HNRNPC: variants seen among roughly 807,000 people sequenced by gnomAD.
HNRNPC encodes the protein heterogeneous nuclear ribonucleoproteins C1/C2.
HNRNPC carries 3 observed loss-of-function variants against 33.2 expected under a neutral mutation model. That is an observed-to-expected ratio of 0.09 (90% CI 0.04 to 0.23). The LOEUF is 0.23. Among genes scored for constraint, HNRNPC ranks in the 10% least tolerant of loss-of-function variants. The pLI is 1.00. For synonymous variants in HNRNPC, 121 were observed against 126.7 expected (o/e 0.96, Z 0.30); for missense variants, 143 against 366.7 (o/e 0.39, Z 4.98).
At chr14:21,238,988 G>T (rs142240253) in intron 2 of HNRNPC, among the ~76,000 whole-genome samples, 1 of 152,112 alleles carries the variant, frequency 6.6e-6, no homozygotes, top group African/African-American at 2.4e-5. Flanking sequence ...TCAGCCATGC[G>T]TGGTGGCCTG....
chr14:21,212,764 G>C (rs1294917959), intron 6 of HNRNPC, among the ~76,000 whole-genome samples, 196 bp downstream of exon 6: 1 of 152,006 alleles, frequency 6.6e-6, no homozygotes, highest in Non-Finnish European at 1.5e-5. Flanking sequence ...GGCTGGTCTT[G>C]AACTCCTGAC....
At chr14:21,251,585 G>A (rs890789539) in intron 2 of HNRNPC, among the ~76,000 whole-genome samples, 3 of 152,006 alleles carry the variant, frequency 2.0e-5, no homozygotes, top group Admixed American at 6.6e-5. Context: ...GGGAGGATGA[G>A]GCAGGAGAAC....
intron 5 of HNRNPC, chr14:21,213,518 A>T: frequency 6.1e-6 from 1 of 164,976 alleles, no homozygotes; most frequent in Admixed American, 5.8e-5. Context: ...ACGGTCAAAT[A>T]CTCTTTAAAA....
chr14:21,261,126 G>A (rs575742700), intron 2 of HNRNPC, among the ~76,000 whole-genome samples: 7 of 151,958 alleles, frequency 4.6e-5, no homozygotes, highest in Admixed American at 1.3e-4. Context: ...AGGTACCAAC[G>A]CCCCCAGCTT....
chr14:21,226,895 AGG>A (rs71313496), intron 5 of HNRNPC, among the ~76,000 whole-genome samples: 4,700 of 106,366 alleles, frequency 0.044, 288 homozygotes, highest in African/African-American at 0.1. Flanking sequence ...AAAAAAAAAA[AGG>A]GGGGGGGGGG....
At chr14:21,268,227 G>A (rs1055349102) in intron 1 of HNRNPC, among the ~76,000 whole-genome samples, 4 of 151,986 alleles carry the variant, frequency 2.6e-5, no homozygotes, top group African/African-American at 9.7e-5. Flanking sequence ...CAAATAATAG[G>A]CACTGTTAAT....
At chr14:21,212,051 T>C (rs1891661637) in intron 6 of HNRNPC, 128 bp from the exon 7 acceptor site, 1 of 706,098 alleles carries the variant, frequency 1.4e-6, no homozygotes. Context: ...CCAGTACAGA[T>C]TTCTCGGTAA....
At chr14:21,230,847 T>C (rs939186645) in intron 4 of HNRNPC, 150 bp downstream of exon 4, 1 of 819,206 alleles carries the variant, frequency 1.2e-6, no homozygotes, top group East Asian at 2.5e-5. Flanking sequence ...TAAAACCTTA[T>C]TTATACACAG....
Position 21,229,129 on chromosome 14 carries a change from G to A in HNRNPC, c.365+1190C>T, listed in dbSNP as rs1485688063. ...AATCAGGCCAGGCGTGGTGGCTCAC[G>A]CCTGTAATCCCAGCACTTTGGGAGG... On this transcript the variant is annotated intron_variant, in intron 5 of 8. Transcript: ENST00000553300. 1.4e-4 allele frequency among the ~76,000 whole-genome samples: 20 copies of A among 147,854 alleles called. No homozygotes were observed. In the South Asian group the frequency reaches 1.5e-3, roughly 11 times the overall value.
At chr14:21,231,197 TCAC>T in intron 3 of HNRNPC, 125 bp from the exon 4 acceptor site, 1 of 867,714 alleles carries the variant, frequency 1.2e-6, no homozygotes, top group Non-Finnish European at 1.8e-6. Flanking sequence ...TGCAGTGGTG[TCAC>T]CTTGGCTCAC....
At chr14:21,250,955 A>G (rs757340376) in intron 2 of HNRNPC, among the ~76,000 whole-genome samples, 1 of 152,172 alleles carries the variant, frequency 6.6e-6, no homozygotes, top group South Asian at 2.1e-4. Flanking sequence ...AAGGGCCAAC[A>G]TTCATTCTCA....
In HNRNPC at chr14:21,209,746, G is replaced by A. The variant is rs1433692368; in HGVS notation, c.*1477C>T. 2 of 152,094 alleles carry A rather than the reference G, an allele frequency of 1.3e-5. No individual in the cohort carries two copies. The highest frequency in any genetic ancestry group is 4.8e-5 in the African/African-American group (2 of 41,396). 9.4% of individuals were successfully genotyped at this position (152,094 alleles called of 1,614,324 possible). On this transcript the variant is annotated 3_prime_UTR_variant, in exon 9 of 9. Transcript: ENST00000553300. Reference sequence around the variant, plus strand: ...TATGAAACAATAGCAACTTTACAGGGGAATCCAAGGTTTGTGTGCACAAAA... The same window carrying A: ...TATGAAACAATAGCAACTTTACAGGAGAATCCAAGGTTTGTGTGCACAAAA...
chr14:21,211,718 T>C (rs1315855631), intron 7 of HNRNPC, 92 bp downstream of exon 7: 4 of 1,415,504 alleles, frequency 2.8e-6, no homozygotes, highest in Non-Finnish European at 4.0e-6. Flanking sequence ...CATATTACAT[T>C]GCTTTATATT....
At chr14:21,213,283 T>G (rs1433141310) in intron 5 of HNRNPC, 166 bp from the exon 6 acceptor site, 2 of 647,338 alleles carry the variant, frequency 3.1e-6, no homozygotes, top group Non-Finnish European at 5.2e-6. Flanking sequence ...TTTAGAAATC[T>G]TATCCCATTA....
At position 21,211,443 on chromosome 14, in the gene HNRNPC, A is replaced by G; in HGVS notation, c.761T>C (p.Leu254Pro). ...ADDSAEEGDL[L>P]DDDDNEDRGD... is the part of the protein sequence containing the mutation. ...CCGATCTTCATTATCATCATCATCC[A>G]GTAGGTCCCCCTCCTCAGCAGAGTC... Residue 254 changes from leucine to proline, a missense_variant, in exon 8 of 9, where the codon CTG becomes CCG. Leu to Pro is a moderately conservative substitution (Grantham distance 98). Coordinates refer to ENST00000553300, the MANE Select transcript of HNRNPC (RefSeq NM_004500.4). 1 of 1,585,636 alleles carries G rather than the reference A, an allele frequency of 6.3e-7. No homozygotes were observed. The highest frequency in any genetic ancestry group is 8.6e-7 in the Non-Finnish European group (1 of 1,169,210).
At chr14:21,211,638 T>A in intron 7 of HNRNPC, 72 bp from the exon 8 acceptor site, 1 of 1,521,482 alleles carries the variant, frequency 6.6e-7, no homozygotes, top group Non-Finnish European at 8.9e-7. Flanking sequence ...CCACTAAGGA[T>A]CACAGAACTG....
At chr14:21,218,445 G>A (rs541106761) in intron 5 of HNRNPC, among the ~76,000 whole-genome samples, 32 of 151,982 alleles carry the variant, frequency 2.1e-4, no homozygotes, top group African/African-American at 7.7e-4. Context: ...CAGCACTTCC[G>A]GAGGCCGAGG....
At chr14:21,252,457 T>C (rs11849571) in intron 2 of HNRNPC, among the ~76,000 whole-genome samples, 3,494 of 152,186 alleles carry the variant, frequency 0.023, 89 homozygotes, top group Middle Eastern at 0.082. Context: ...ATTACACACA[T>C]GCACTGCCCT....
Position 21,230,241 on chromosome 14 carries a change from T to C in HNRNPC, c.365+78A>G. 4 of 996,754 alleles carry C rather than the reference T, an allele frequency of 4.0e-6. 1 individual carries two copies. In the South Asian group the frequency reaches 4.4e-5, roughly 11 times the overall value. The allele number at this position is 996,754 out of a possible 1,614,324, so 61.7% of individuals were successfully genotyped here. On this transcript the variant is annotated intron_variant, in intron 5 of 8. Coordinates refer to ENST00000553300, the MANE Select transcript of HNRNPC (RefSeq NM_004500.4). ...GTATGTTTGAAAACATCTTTGATGT[T>C]CATCACCACAAACCAGAAGAACGAA... is the stretch of plus-strand genomic sequence containing the variant.
Sources: gnomAD v4.1 joint callset for allele counts (sites outside exome capture counted in the v4.1 genomes callset) on GRCh38, gnomAD v4.1.1 for gene constraint, MANE v1.5 for transcripts, NCBI Gene and HGNC (gene_info 2026-07-23, HGNC 2026-07-21) for gene names.